Variants in RGS6 observed in about 807,000 individuals in gnomAD.
The protein encoded by RGS6 is regulator of G-protein signaling 6.
A neutral mutation model predicts 78.5 loss-of-function variants in RGS6; 30 were observed. The observed-to-expected ratio is 0.38, with a 90% CI of 0.29 to 0.52. The LOEUF (loss-of-function observed/expected upper bound fraction) is 0.52, where lower values mean the gene tolerates loss of function less well. Among genes scored for constraint, RGS6 ranks in the 20% least tolerant of loss-of-function variants. The pLI, the probability that RGS6 is intolerant of heterozygous loss-of-function variation, is 0.85. For missense variants in RGS6, 495 were observed against 609.7 expected (o/e 0.81, Z 1.98); for synonymous variants, 206 against 206.0 (o/e 1.00, Z 0.00).
intron 2 of RGS6, among the ~76,000 whole-genome samples, chr14:72,105,019 A>T (rs1396072892): frequency 6.6e-6 from 1 of 152,234 alleles, no homozygotes; most frequent in African/African-American, 2.4e-5. Context: ...TCTCTAGTCT[A>T]GTCACTGCAC....
chr14:72,166,371 A>G (rs2096928102), intron 2 of RGS6, among the ~76,000 whole-genome samples: 1 of 152,246 alleles, frequency 6.6e-6, no homozygotes, highest in African/African-American at 2.4e-5. Flanking sequence ...TCCTGAATAC[A>G]GACTAGTAAA....
At chr14:72,122,837 G>A (rs985529676) in intron 2 of RGS6, among the ~76,000 whole-genome samples, 2 of 150,464 alleles carry the variant, frequency 1.3e-5, no homozygotes, top group Non-Finnish European at 3.0e-5. Context: ...AGATTGAAAT[G>A]AAAAGCCAGA....
In RGS6 at chr14:72,522,341, C is replaced by T. The variant is rs142568230; in HGVS notation, c.1278+3804C>T. Reference sequence around the variant, plus strand: ...CAAAAGACCCACCTCCAAGTACCACCACACTGAGGATCAGGGCTTCAACAA... The same window carrying T: ...CAAAAGACCCACCTCCAAGTACCACTACACTGAGGATCAGGGCTTCAACAA... On this transcript the variant is annotated intron_variant, in intron 15 of 17. Coordinates refer to ENST00000553525, the MANE Select transcript of RGS6 (RefSeq NM_001204424.2). Among the ~76,000 whole-genome samples, 581 of 152,290 alleles carry T rather than the reference C, an allele frequency of 3.8e-3. 6 individuals carry two copies. The highest frequency in any genetic ancestry group is 0.014 in the African/African-American group (567 of 41,554).
intron 2 of RGS6, among the ~76,000 whole-genome samples, chr14:72,098,540 C>A (rs1407964642): frequency 1.3e-5 from 2 of 152,144 alleles, no homozygotes; most frequent in African/African-American, 2.4e-5. Context: ...AGAGCTTGGA[C>A]CAAATTTTTC....
chr14:72,457,379 T>C (rs1481735364), intron 4 of RGS6, among the ~76,000 whole-genome samples: 1 of 152,252 alleles, frequency 6.6e-6, no homozygotes, highest in Non-Finnish European at 1.5e-5. Flanking sequence ...AACAGTACTT[T>C]TGGATTTGTG....
chr14:71,885,834 G>C, the RGS6 span, among the ~76,000 whole-genome samples: 1 of 150,896 alleles, frequency 6.6e-6, no homozygotes, highest in Non-Finnish European at 1.5e-5. Flanking sequence ...GTCTCTCTCT[G>C]TTTAATACTA....
At chr14:72,497,390 G>A (rs541799982) in intron 13 of RGS6, among the ~76,000 whole-genome samples, 1 of 151,994 alleles carries the variant, frequency 6.6e-6, no homozygotes, top group Non-Finnish European at 1.5e-5. Context: ...TTGGATATTT[G>A]GATATAAAAC....
intron 1 of RGS6, among the ~76,000 whole-genome samples, chr14:71,962,187 A>C (rs1186420316): frequency 6.6e-6 from 1 of 152,220 alleles, no homozygotes; most frequent in East Asian, 1.9e-4. Flanking sequence ...AAAATTCTTC[A>C]CACAGAGACT....
chr14:72,281,586 ATG>A (rs3831616), intron 2 of RGS6, among the ~76,000 whole-genome samples: 87,354 of 151,722 alleles, frequency 0.58, 25,647 homozygotes, highest in Non-Finnish European at 0.64. Context: ...GGATCGAGTG[ATG>A]GAGGAGAAGA....
chr14:72,401,914 T>C (rs1170508991), intron 3 of RGS6, among the ~76,000 whole-genome samples: 1 of 152,146 alleles, frequency 6.6e-6, no homozygotes, highest in African/African-American at 2.4e-5. Context: ...TCACTAAAGA[T>C]ATTTGAGGAT....
intron 13 of RGS6, among the ~76,000 whole-genome samples, chr14:72,506,281 C>G (rs979033635): frequency 2.0e-5 from 3 of 152,138 alleles, no homozygotes; most frequent in Non-Finnish European, 2.9e-5. Flanking sequence ...AATCCAAATG[C>G]TGACATAAAA....
At chr14:71,983,633 G>A (rs756510651) in intron 2 of RGS6, among the ~76,000 whole-genome samples, 8 of 152,102 alleles carry the variant, frequency 5.3e-5, no homozygotes, top group Admixed American at 1.3e-4. Context: ...CCTGGTCTTC[G>A]CCTTTGTCCT....
intron 3 of RGS6, among the ~76,000 whole-genome samples, chr14:72,358,293 T>G: frequency 6.6e-6 from 1 of 152,196 alleles, no homozygotes; most frequent in South Asian, 2.1e-4. Context: ...ACTGGGGCAC[T>G]GCCTAGAGGA....
intron 2 of RGS6, among the ~76,000 whole-genome samples, chr14:71,989,914 T>G (rs1314189819): frequency 6.6e-6 from 1 of 152,162 alleles, no homozygotes; most frequent in African/African-American, 2.4e-5. Context: ...CAGTCCTGTC[T>G]TAGTCCATTT....
At chr14:72,023,174 C>T (rs2089087099) in intron 2 of RGS6, among the ~76,000 whole-genome samples, 1 of 152,208 alleles carries the variant, frequency 6.6e-6, no homozygotes, top group South Asian at 2.1e-4. Context: ...CTTACATATC[C>T]AAAATGAGTC....
At position 72,188,253 on chromosome 14, in the gene RGS6, A is replaced by C. The variant is rs145451797; in HGVS notation, c.85-163842A>C. On this transcript the variant is annotated intron_variant, in intron 2 of 17. Transcript: ENST00000553525. ...AGTCTTTAAGTAGAAACACATGTTA[A>C]ACAAAGTTATGTATTTATCAGTTGA... 1.0e-3 allele frequency among the ~76,000 whole-genome samples: 152 copies of C among 152,190 alleles called. 2 individuals carry two copies. Among genetic ancestry groups the C allele is most frequent in the African/African-American group, 3.4e-3 (140 of 41,504 alleles).
intron 2 of RGS6, among the ~76,000 whole-genome samples, chr14:72,273,239 A>T (rs1294636123): frequency 6.6e-6 from 1 of 152,230 alleles, no homozygotes; most frequent in African/African-American, 2.4e-5. Flanking sequence ...CGGCTTTCAA[A>T]GCTTGCATTA....
At chr14:72,508,562 C>CTTTTTTTTTTTTTT (rs61097187) in intron 13 of RGS6, among the ~76,000 whole-genome samples, 3 of 56,472 alleles carry the variant, frequency 5.3e-5, no homozygotes, top group East Asian at 8.0e-4. Flanking sequence ...ACACAAGCTC[C>CTTTTTTTTTTTTTT]TTTTTTTTTT....
intron 2 of RGS6, among the ~76,000 whole-genome samples, chr14:72,065,287 T>C (rs1427375257): frequency 1.3e-5 from 2 of 152,236 alleles, no homozygotes; most frequent in Non-Finnish European, 2.9e-5. Flanking sequence ...ATTGCATTTT[T>C]TCCTGCATTA....
Sources: allele counts gnomAD v4.1 joint callset (sites outside exome capture counted in the v4.1 genomes callset), GRCh38; gene constraint gnomAD v4.1.1; transcripts MANE v1.5; gene names NCBI Gene and HGNC (gene_info 2026-07-23, HGNC 2026-07-21).